OPA3: variants seen among roughly 807,000 people sequenced by gnomAD.
The protein encoded by OPA3 is outer mitochondrial membrane lipid metabolism regulator OPA3.
A neutral mutation model predicts 4.0 loss-of-function variants in OPA3; 6 were observed. That is an observed-to-expected ratio of 1.51 (90% CI 0.83 to 2.99). The LOEUF (loss-of-function observed/expected upper bound fraction) is 2.99, where lower values mean the gene tolerates loss of function less well. OPA3 is among the 30% of genes most tolerant of loss of function. The pLI is 0.00. For missense variants in OPA3, 235 were observed against 256.2 expected (o/e 0.92, Z 0.56); for synonymous variants, 105 against 117.1 (o/e 0.90, Z 0.67).
At chr19:45,532,589 T>C (rs533979920) in intron 1 of OPA3, among the ~76,000 whole-genome samples, 1 of 152,276 alleles carries the variant, frequency 6.6e-6, no homozygotes, top group African/African-American at 2.4e-5. Context: ...CCTGTTTTTT[T>C]CCATTGCTCC....
intron 1 of OPA3, among the ~76,000 whole-genome samples, chr19:45,580,868 C>T (rs955499163): frequency 3.3e-5 from 5 of 151,832 alleles, no homozygotes; most frequent in African/African-American, 9.7e-5. Flanking sequence ...CACCCACCTC[C>T]GCCTTCCAAA....
chr19:45,572,806 T>G (rs368497236), intron 1 of OPA3, among the ~76,000 whole-genome samples: 2 of 116,858 alleles, frequency 1.7e-5, no homozygotes, highest in African/African-American at 3.4e-5. Flanking sequence ...TATATCATAC[T>G]ATATATATAG....
chr19:45,549,463 G>T lies in OPA3; in HGVS notation c.*4051C>A. ...GCTGGGGTCAGGAATTGGAGCTCCT[G>T]CCTGTGTTCACACTCCCACCTCTGT... On this transcript the variant is annotated 3_prime_UTR_variant, in exon 2 of 2. Transcript: ENST00000263275. 1 of 985,124 alleles carries T rather than the reference G, an allele frequency of 1.0e-6. No individual in the cohort carries two copies. Among genetic ancestry groups the T allele is most frequent in the Non-Finnish European group, 1.2e-6 (1 of 829,996 alleles). The allele number at this position is 985,124 out of a possible 1,614,324, so 61.0% of individuals were successfully genotyped here.
rs1418398448 is a variant in OPA3, at chr19:45,548,660, TA to T, written c.*4853del. ...AGTGAGTTTTGTGTTTTATTTTTTT[TA>T]TTTTTTTTTTTTTTGCGGGAGACGC... On this transcript the variant is annotated 3_prime_UTR_variant, in exon 2 of 2. Transcript: ENST00000263275. The T allele has an allele frequency of 5.5e-6, 5 of 906,558 alleles. No individual in the cohort carries two copies. The highest frequency in any genetic ancestry group is 6.0e-5 in the African/African-American group (2 of 33,108). The allele number at this position is 906,558 out of a possible 1,614,324, so 56.2% of individuals were successfully genotyped here.
Position 45,530,224 on chromosome 19 carries a change from C to T in OPA3, c.143-768G>A, listed in dbSNP as rs977840722. 3.9e-5 allele frequency among the ~76,000 whole-genome samples: 6 copies of T among 152,198 alleles called. No homozygotes were observed. The South Asian group carries it at 1.0e-3, about 26-fold the overall frequency. ...CAAAAATTAGCCGGGCGTGATAGCGCGTGCCTCTAATACCAGCTACTCTGG... is the reference window on the plus strand; with the variant it reads ...CAAAAATTAGCCGGGCGTGATAGCGTGTGCCTCTAATACCAGCTACTCTGG... On this transcript the variant is annotated intron_variant, in intron 1 of 1. Transcript: ENST00000323060.
At chr19:45,546,092 T>C (rs1273796502), downstream of OPA3, among the ~76,000 whole-genome samples, 1 of 152,104 alleles carries the variant, frequency 6.6e-6, no homozygotes, top group East Asian at 1.9e-4. Flanking sequence ...TCAGAGAAAC[T>C]TGTTCTAACA....
chr19:45,581,750 T>G (rs1375527246), intron 1 of OPA3, among the ~76,000 whole-genome samples: 15 of 152,208 alleles, frequency 9.9e-5, no homozygotes, highest in Non-Finnish European at 2.2e-4. Flanking sequence ...AGAGGAGAAC[T>G]GCAAGACAAA....
intron 1 of OPA3, among the ~76,000 whole-genome samples, chr19:45,537,383 C>A (rs1422507092): frequency 1.4e-5 from 1 of 73,834 alleles, no homozygotes; most frequent in Non-Finnish European, 2.3e-5. Flanking sequence ...GATGACAGAG[C>A]AAGACTCTGT....
chr19:45,584,512 T>A (rs1196335346), intron 1 of OPA3, 111 bp downstream of exon 1: 20 of 1,576,160 alleles, frequency 1.3e-5, no homozygotes, highest in Non-Finnish European at 1.4e-5. Context: ...GCCACTGGAC[T>A]TTGCCGGTTC....
At chr19:45,545,694 A>C, downstream of OPA3, among the ~76,000 whole-genome samples, 1 of 149,428 alleles carries the variant, frequency 6.7e-6, no homozygotes, top group Non-Finnish European at 1.5e-5. Flanking sequence ...TACATACATC[A>C]TATGTACATG....
intron 1 of OPA3, among the ~76,000 whole-genome samples, chr19:45,537,301 C>T (rs551090520): frequency 7.4e-6 from 1 of 135,412 alleles, no homozygotes; most frequent in African/African-American, 2.8e-5. Context: ...GCAGGCTGAG[C>T]GAGGAGGATC....
rs1239819391 is a variant in OPA3 at position 45,548,169 on chromosome 19, C to T, written c.*5345G>A. 10 of 986,072 alleles carry T rather than the reference C, an allele frequency of 1.0e-5. No individual in the cohort carries two copies. The highest frequency in any genetic ancestry group is 1.2e-5 in the Non-Finnish European group (10 of 830,430). The allele number at this position is 986,072 out of a possible 1,614,324, so 61.1% of individuals were successfully genotyped here. ...TCTCTGTCCACACCGACTCCAGCTA[C>T]AAGCCATTGCCACTGGGGGACCCAA... On this transcript the variant is annotated 3_prime_UTR_variant, in exon 2 of 2. Transcript: ENST00000263275.
intron 1 of OPA3, among the ~76,000 whole-genome samples, chr19:45,582,252 C>T (rs774473634): frequency 3.3e-5 from 5 of 151,840 alleles, no homozygotes; most frequent in Non-Finnish European, 7.4e-5. Context: ...CCTCCATCCC[C>T]GGGTTCAAGC....
At chr19:45,562,580 T>G (rs901318983) in intron 1 of OPA3, among the ~76,000 whole-genome samples, 1 of 151,784 alleles carries the variant, frequency 6.6e-6, no homozygotes, top group Non-Finnish European at 1.5e-5. Context: ...TCTCAGCTAC[T>G]CAGGAGGCTG....
downstream of OPA3, among the ~76,000 whole-genome samples, chr19:45,543,226 G>T (rs1011791477): frequency 3.3e-5 from 5 of 151,916 alleles, no homozygotes; most frequent in African/African-American, 1.2e-4. Context: ...CCAGGGGCTG[G>T]TCTCAAACTC....
At chr19:45,533,404 C>A (rs554253290) in intron 1 of OPA3, among the ~76,000 whole-genome samples, 126 of 152,190 alleles carry the variant, frequency 8.3e-4, no homozygotes, top group African/African-American at 2.9e-3. Context: ...CCAAGTTAGC[C>A]AGAATGGTCT....
Position 45,546,497 on chromosome 19 carries a change from T to G in OPA3, c.*7017A>C. 1 of 598,996 alleles carries G rather than the reference T, an allele frequency of 1.7e-6. No individual in the cohort carries two copies. Among genetic ancestry groups the G allele is most frequent in the Non-Finnish European group, 2.1e-6 (1 of 477,834 alleles). The allele number at this position is 598,996 out of a possible 1,614,324, so 37.1% of individuals were successfully genotyped here. ...TGCACACGATGGATTACATAAACTC[T>G]GCTTTTTTTTTTTTTTGAGACAGGG... On this transcript the variant is annotated 3_prime_UTR_variant, in exon 2 of 2. Transcript: ENST00000263275.
chr19:45,571,066 CATATA>C (rs925509045), intron 1 of OPA3, among the ~76,000 whole-genome samples: 15 of 149,266 alleles, frequency 1.0e-4, no homozygotes, highest in Admixed American at 2.7e-4. Context: ...TTTTTAAATG[CATATA>C]ATATAACCAT....
intron 1 of OPA3, chr19:45,529,569 G>A: frequency 7.4e-7 from 1 of 1,343,104 alleles, no homozygotes; most frequent in Non-Finnish European, 1.1e-6. Context: ...CACCACAATC[G>A]GACGCGTGCT....
Sources: gnomAD v4.1 joint callset for allele counts (sites outside exome capture counted in the v4.1 genomes callset) on GRCh38, gnomAD v4.1.1 for gene constraint, MANE v1.5 for transcripts, NCBI Gene and HGNC (gene_info 2026-07-23, HGNC 2026-07-21) for gene names.